Variants in SIGLEC6 observed in about 807,000 individuals in gnomAD.
The protein encoded by SIGLEC6 is sialic acid-binding Ig-like lectin 6.
SIGLEC6 carries 31 observed loss-of-function variants against 41.4 expected under a neutral mutation model. The observed-to-expected ratio is 0.75, with a 90% CI of 0.56 to 1.01. SIGLEC6 has a LOEUF of 1.01. SIGLEC6 is among the 50% of genes least tolerant of loss of function. SIGLEC6 has a pLI of 0.00. For missense variants in SIGLEC6, 555 were observed against 558.6 expected (o/e 0.99, Z 0.06); for synonymous variants, 217 against 231.0 (o/e 0.94, Z 0.55).
chr19:51,520,228 T>C lies in SIGLEC6; in HGVS notation c.1216A>G (p.Ile406Val). The C allele has an allele frequency of 1.9e-6, 3 of 1,599,286 alleles. No individual in the cohort carries two copies. Among genetic ancestry groups the C allele is most frequent in the East Asian group, 2.2e-5 (1 of 44,592 alleles). The stretch of plus-strand genomic sequence containing the variant: ...GCCTCAGCAGGGTGGTCTGAAACTA[T>C]GCCTGTCTGGAACTGGTGCTGATGA... The part of the protein sequence containing the change: ...RGHQHQFQTG[I>V]VSDHPAEAGP... The change falls in exon 8 of 8, where the codon ATA becomes GTA. Residue 406 changes from isoleucine to valine, a missense_variant. By Grantham distance (29) the Ile-to-Val change is conservative. Coordinates refer to ENST00000425629, the MANE Select transcript of SIGLEC6 (RefSeq NM_001245.7).
rs1050544082 is a variant in SIGLEC6, at chr19:51,518,169, T to G, written c.*1913A>C. Among the ~76,000 whole-genome samples, 2 of 152,224 alleles carry G rather than the reference T, an allele frequency of 1.3e-5. No individual in the cohort carries two copies. Among genetic ancestry groups the G allele is most frequent in the Non-Finnish European group, 2.9e-5 (2 of 68,030 alleles). On this transcript the variant is annotated 3_prime_UTR_variant, in exon 8 of 8. Transcript: ENST00000425629. ...ACATATTTTGGTTTTCCTTAAAATA[T>G]CTATATTTCACTTTCAGTCTTAAAA...
At chr19:51,522,230 T>C (rs895245987) in intron 7 of SIGLEC6, among the ~76,000 whole-genome samples, 2 of 152,254 alleles carry the variant, frequency 1.3e-5, no homozygotes, top group African/African-American at 4.8e-5. Flanking sequence ...CCAAAGCTTT[T>C]GTAAAAATCT....
At position 51,530,662 on chromosome 19, in the gene SIGLEC6, G is replaced by T. The variant is rs531475848; in HGVS notation, c.706+19C>A. ...CCCCCACACCCTCAGGGACCCGGGC[G>T]TCCTGGCCCAGCACTCACAGGAGAC... On this transcript the variant is annotated intron_variant, in intron 3 of 7. Transcript: ENST00000425629. 1 of 1,612,076 alleles carries T rather than the reference G, an allele frequency of 6.2e-7. No individual in the cohort carries two copies. Among genetic ancestry groups the T allele is most frequent in the Non-Finnish European group, 8.5e-7 (1 of 1,179,326 alleles).
In SIGLEC6 at chr19:51,518,552, C is replaced by G. The variant is rs1407091995; in HGVS notation, c.*1530G>C. On this transcript the variant is annotated 3_prime_UTR_variant, in exon 8 of 8. Transcript: ENST00000425629. ...ATGGGGTTTCACCATGTTGGCCAGA[C>G]CAGTCTCGAACTCCTGACCTCCAGT... 2.0e-5 allele frequency among the ~76,000 whole-genome samples: 3 copies of G among 152,178 alleles called. No individual in the cohort carries two copies. Among genetic ancestry groups the G allele is most frequent in the Non-Finnish European group, 4.4e-5 (3 of 68,022 alleles).
chr19:51,522,598 C>A (rs1480280920), intron 7 of SIGLEC6, among the ~76,000 whole-genome samples: 1 of 152,142 alleles, frequency 6.6e-6, no homozygotes, highest in African/African-American at 2.4e-5. Context: ...CCAGCCTGGG[C>A]AACATGGTGA....
chr19:51,531,098 C>T, intron 2 of SIGLEC6, 62 bp downstream of exon 2: 6 of 1,552,222 alleles, frequency 3.9e-6, no homozygotes, highest in Non-Finnish European at 5.2e-6. Context: ...GCTCCCGTCC[C>T]AGCCCTGCCC....
At position 51,531,531 on chromosome 19, in the gene SIGLEC6, T is replaced by C. The variant is rs370171131; in HGVS notation, c.68-12A>G. ...CTGAGCCAGGGCCCCTATGGAGACATGAGGGTCAGCTCGGCCCAGCCCCAC... is the reference window on the plus strand; with the variant it reads ...CTGAGCCAGGGCCCCTATGGAGACACGAGGGTCAGCTCGGCCCAGCCCCAC... On this transcript the variant is annotated splice_polypyrimidine_tract_variant and intron_variant, in intron 1 of 7. Coordinates refer to ENST00000425629, the MANE Select transcript of SIGLEC6 (RefSeq NM_001245.7). The C allele has an allele frequency of 1.2e-6, 2 of 1,613,902 alleles. No individual in the cohort carries two copies. Among genetic ancestry groups the C allele is most frequent in the African/African-American group, 1.3e-5 (1 of 75,038 alleles).
chr19:51,528,068 C>T, intron 6 of SIGLEC6, 92 bp downstream of exon 6: 11 of 1,189,552 alleles, frequency 9.2e-6, no homozygotes, highest in Non-Finnish European at 1.1e-5. Flanking sequence ...CCAATCACCC[C>T]ATTTTCCTCC....
chr19:51,527,100 A>G (rs1464474788), intron 7 of SIGLEC6, among the ~76,000 whole-genome samples: 1 of 152,198 alleles, frequency 6.6e-6, no homozygotes, highest in Non-Finnish European at 1.5e-5. Flanking sequence ...GAGAGAGAGC[A>G]AGCAACTTGA....
chr19:51,520,374 T>G, intron 7 of SIGLEC6, 119 bp from the exon 8 acceptor site: 2 of 533,376 alleles, frequency 3.7e-6, no homozygotes, highest in Non-Finnish European at 2.9e-6. Flanking sequence ...CATTTATTAT[T>G]TTATTTTATT....
chr19:51,518,344 G>GT lies in SIGLEC6; in HGVS notation c.*1737dup, dbSNP rs1175031642. Among the ~76,000 whole-genome samples the GT allele has an allele frequency of 2.6e-5, 4 of 152,062 alleles. No homozygotes were observed. The highest frequency in any genetic ancestry group is 1.3e-4 in the Admixed American group (2 of 15,254). On this transcript the variant is annotated 3_prime_UTR_variant, in exon 8 of 8. Coordinates refer to ENST00000425629, the MANE Select transcript of SIGLEC6 (RefSeq NM_001245.7). The stretch of plus-strand genomic sequence containing the variant: ...GGTTTTTTGCTTGTTTGTTTGTTTT[G>GT]TTTTGCTTTTTCTGAGTTGGAGTCT...
At chr19:51,530,080 G>A in intron 4 of SIGLEC6, 99 bp from the exon 5 acceptor site, 1 of 1,402,528 alleles carries the variant, frequency 7.1e-7, no homozygotes, top group Non-Finnish European at 9.7e-7. Flanking sequence ...CTGAGGAGGA[G>A]ACTAGTAAAG....
intron 7 of SIGLEC6, among the ~76,000 whole-genome samples, chr19:51,521,765 C>G (rs952459784): frequency 6.6e-6 from 1 of 152,260 alleles, no homozygotes; most frequent in Non-Finnish European, 1.5e-5. Context: ...AGTTCTCACT[C>G]AGGCTATGGT....
chr19:51,520,059 A>G lies in SIGLEC6; in HGVS notation c.*23T>C, dbSNP rs535929846. 2.0e-5 allele frequency: 31 copies of G among 1,515,472 alleles called. 1 individual carries two copies. Among genetic ancestry groups the G allele is most frequent in the East Asian group, 1.9e-4 (8 of 42,996 alleles). 93.9% of individuals were successfully genotyped at this position (1,515,472 alleles called of 1,614,324 possible). A position where few individuals can be genotyped will look rare whatever the true frequency, so the allele number is the denominator to read the frequency against. ...AGAGGTACCATGTTCTCTCCAATCA[A>G]GGTTATGGCTTTGGACAATTCCTCA... On this transcript the variant is annotated 3_prime_UTR_variant, in exon 8 of 8. Transcript: ENST00000425629.
rs553171106 is a variant in SIGLEC6, at chr19:51,520,329, G to T, written c.1189-74C>A. On this transcript the variant is annotated intron_variant, in intron 7 of 7. Coordinates refer to ENST00000425629, the MANE Select transcript of SIGLEC6 (RefSeq NM_001245.7). ...AGAAAGCAGCCAAGGATCAGAAAGG[G>T]AGTAGAACTGATGGAACTTTATTAT... is the stretch of plus-strand genomic sequence containing the variant. 58 of 909,668 alleles carry T rather than the reference G, an allele frequency of 6.4e-5. No individual in the cohort carries two copies. In the South Asian group the frequency reaches 7.6e-4, roughly 12 times the overall value. 56.3% of individuals were successfully genotyped at this position (909,668 alleles called of 1,614,324 possible).
intron 7 of SIGLEC6, among the ~76,000 whole-genome samples, chr19:51,521,719 G>A (rs1289674059): frequency 6.6e-6 from 1 of 152,138 alleles, no homozygotes; most frequent in Non-Finnish European, 1.5e-5. Context: ...CTGAGGGTCT[G>A]AACAACAGGA....
intron 3 of SIGLEC6, 73 bp from the exon 4 acceptor site, chr19:51,530,557 G>A (rs771144873): frequency 5.0e-6 from 8 of 1,608,020 alleles, no homozygotes; most frequent in Middle Eastern, 1.7e-4. Context: ...CCCCTCAGGA[G>A]CCATGAAAAC....
rs757685540 is a variant in SIGLEC6, at chr19:51,530,773, C to T, written c.614G>A (p.Arg205Gln). 16 of 1,613,912 alleles carry T rather than the reference C, an allele frequency of 9.9e-6. No individual in the cohort carries two copies. The highest frequency in any genetic ancestry group is 1.6e-4 in the Middle Eastern group (1 of 6,080). ...GAGGTTGGTGCTGTGGTCCTGGGGC[C>T]GTGGGGTGATTGTGAGCACCGAGGA... ...TQSSVLTITP[R>Q]PQDHSTNLTC... The change falls in exon 3 of 8, where the codon CGG becomes CAG. Residue 205 changes from arginine to glutamine, a missense_variant. Arg to Gln is a conservative substitution (Grantham distance 43). Transcript: ENST00000425629.
chr19:51,530,858 G>T lies in SIGLEC6; in HGVS notation c.529C>A (p.Pro177Thr), dbSNP rs200369206. The T allele has an allele frequency of 6.8e-6, 11 of 1,613,826 alleles. No individual in the cohort carries two copies. Among genetic ancestry groups the T allele is most frequent in the Non-Finnish European group, 9.3e-6 (11 of 1,180,012 alleles). ...GCTGACATCCAGGAGAAGATGGGGG[G>T]CGTCCCCTGCTCACAGACCCAGGGC... ...SVPWVCEQGTPPIFSWMSAAP... is the reference protein window; with the variant it reads ...SVPWVCEQGTTPIFSWMSAAP... Residue 177 changes from proline to threonine, a missense_variant, in exon 3 of 8, where the codon CCC (proline) becomes ACC (threonine). Coordinates refer to ENST00000425629, the MANE Select transcript of SIGLEC6 (RefSeq NM_001245.7).
Sources: gnomAD v4.1 joint callset for allele counts (sites outside exome capture counted in the v4.1 genomes callset) on GRCh38, gnomAD v4.1.1 for gene constraint, MANE v1.5 for transcripts, NCBI Gene and HGNC (gene_info 2026-07-23, HGNC 2026-07-21) for gene names.